Variants in IQCH observed in about 807,000 individuals in gnomAD.
The protein encoded by IQCH is IQ domain-containing protein H.
A neutral mutation model predicts 117.0 loss-of-function variants in IQCH; 98 were observed. The observed-to-expected ratio is 0.84, with a 90% CI of 0.71 to 0.99. IQCH has a LOEUF of 0.99. Ranked by LOEUF, IQCH falls within the 50% of genes least tolerant of loss-of-function variation. IQCH has a pLI of 0.00. For missense variants in IQCH, 1,102 were observed against 1,243.8 expected (o/e 0.89, Z 1.72); for synonymous variants, 412 against 448.2 (o/e 0.92, Z 1.02).
At chr15:67,438,278 A>C (rs1460534686) in intron 16 of IQCH, among the ~76,000 whole-genome samples, 3 of 152,186 alleles carry the variant, frequency 2.0e-5, no homozygotes, top group Admixed American at 6.5e-5. Flanking sequence ...ATCAGCCAAG[A>C]ATTTTGTATC....
chr15:67,400,208 C>T lies in IQCH; in HGVS notation c.2000C>T (p.Ala667Val). The T allele has an allele frequency of 1.2e-6, 2 of 1,613,344 alleles. No homozygotes were observed. Among genetic ancestry groups the T allele is most frequent in the Non-Finnish European group, 1.7e-6 (2 of 1,179,394 alleles). The change falls in exon 14 of 21, where the codon GCA (alanine) becomes GTA (valine). Residue 667 changes from alanine to valine, a missense_variant. Physicochemically the swap from Ala to Val is moderately conservative, Grantham distance 64. Transcript: ENST00000335894. The stretch of plus-strand genomic sequence containing the variant: ...TCTGAGTTCCGAGGAAATGGGACTG[C>T]ATTTTGTGATATTCCTTCCTACCTA... The part of the protein sequence containing the change: ...MDSEFRGNGT[A>V]FCDIPSYLKC...
intron 10 of IQCH, chr15:67,374,116 G>C (rs1373674660): frequency 6.6e-6 from 1 of 152,226 alleles, no homozygotes; most frequent in Non-Finnish European, 1.5e-5. Flanking sequence ...ATGACATTGG[G>C]AATTTCAGAA....
chr15:67,335,151 T>C (rs1968836648), intron 4 of IQCH, among the ~76,000 whole-genome samples: 1 of 152,174 alleles, frequency 6.6e-6, no homozygotes. Context: ...ATTGTTTAGA[T>C]TGATGCAATT....
At chr15:67,464,791 T>C (rs756658514) in intron 16 of IQCH, among the ~76,000 whole-genome samples, 15 of 152,228 alleles carry the variant, frequency 9.9e-5, no homozygotes, top group Non-Finnish European at 1.8e-4. Flanking sequence ...ATTTTCTCAG[T>C]AGAAAACCTG....
At chr15:67,287,689 C>A (rs1178080904) in intron 4 of IQCH, among the ~76,000 whole-genome samples, 1 of 151,826 alleles carries the variant, frequency 6.6e-6, no homozygotes, top group African/African-American at 2.4e-5. Context: ...GTTTGTTTAT[C>A]TTTTCAAAAC....
At position 67,376,681 on chromosome 15, in the gene IQCH, T is replaced by G. The variant is rs1268618326; in HGVS notation, c.1372+3248T>G. 6.6e-6 allele frequency among the ~76,000 whole-genome samples: 1 copy of G among 152,224 alleles called. No homozygotes were observed. The highest frequency in any genetic ancestry group is 6.5e-5 in the Admixed American group (1 of 15,284). On this transcript the variant is annotated intron_variant, in intron 10 of 20. Transcript: ENST00000335894. This position sits in a 1 kb window ranked among gnomAD's most constrained non-coding sequence, Gnocchi z 5.0. ...TGCAGTTTTGCACACATGGGAATAA[T>G]TGCATTTTCCAAACTGGTGATCACA...
At chr15:67,396,950 A>G (rs1167409206) in intron 13 of IQCH, among the ~76,000 whole-genome samples, 2 of 152,224 alleles carry the variant, frequency 1.3e-5, no homozygotes, top group Admixed American at 1.3e-4. Context: ...CGGTATCACA[A>G]CCTAGGACAG....
At position 67,473,279 on chromosome 15, in the gene IQCH, G is replaced by T. The variant is rs758862686; in HGVS notation, c.2677-2417G>T. Among the ~76,000 whole-genome samples the T allele has an allele frequency of 5.3e-5, 8 of 152,232 alleles. No individual in the cohort carries two copies. Among genetic ancestry groups the T allele is most frequent in the Admixed American group, 5.2e-4 (8 of 15,282 alleles). On this transcript the variant is annotated intron_variant, in intron 17 of 20. Coordinates refer to ENST00000335894, the MANE Select transcript of IQCH (RefSeq NM_001031715.3). This position sits in a 1 kb window ranked among gnomAD's most constrained non-coding sequence, Gnocchi z 4.9. ...TTTTCAGTGTGAAGGTGAGAGCATG[G>T]CCAGCCCAGTATGGCAGGGCGAGCA... is the stretch of plus-strand genomic sequence containing the variant.
rs1461918215 is a variant in IQCH, at chr15:67,436,578, A to G, written c.2505+15001A>G. Among the ~76,000 whole-genome samples, 1 of 152,192 alleles carries G rather than the reference A, an allele frequency of 6.6e-6. No individual in the cohort carries two copies. Among genetic ancestry groups the G allele is most frequent in the Non-Finnish European group, 1.5e-5 (1 of 68,018 alleles). On this transcript the variant is annotated intron_variant, in intron 16 of 20. Coordinates refer to ENST00000335894, the MANE Select transcript of IQCH (RefSeq NM_001031715.3). This position sits in a 1 kb window ranked among gnomAD's most constrained non-coding sequence, Gnocchi z 5.1. ...GTGAGAAGCCTCCTGGCGAGAACTC[A>G]GGGGAGGGCACAAATCCGGTGTGCA...
intron 4 of IQCH, among the ~76,000 whole-genome samples, chr15:67,289,250 T>C (rs1450492354): frequency 6.6e-6 from 1 of 152,128 alleles, no homozygotes; most frequent in African/African-American, 2.4e-5. Flanking sequence ...ATGATCATAA[T>C]AGTGATTTGA....
intron 6 of IQCH, among the ~76,000 whole-genome samples, chr15:67,353,367 T>A (rs151119143): frequency 0.67 from 99,708 of 149,164 alleles, 33,708 homozygotes; most frequent in Middle Eastern, 0.81. Flanking sequence ...TATTTATTTT[T>A]TTTTTTTTTT....
At chr15:67,412,961 G>T (rs1402775706) in intron 14 of IQCH, among the ~76,000 whole-genome samples, 1 of 152,110 alleles carries the variant, frequency 6.6e-6, no homozygotes, top group African/African-American at 2.4e-5. Flanking sequence ...GCAGAGTGTT[G>T]CTGAAAGTAC....
At chr15:67,328,524 G>A (rs968957028) in intron 4 of IQCH, among the ~76,000 whole-genome samples, 8 of 152,138 alleles carry the variant, frequency 5.3e-5, no homozygotes, top group African/African-American at 1.9e-4. Context: ...GAAGAGATCA[G>A]AAGTGATTTC....
intron 16 of IQCH, among the ~76,000 whole-genome samples, chr15:67,451,882 G>T (rs2082537021): frequency 1.3e-5 from 2 of 152,262 alleles, no homozygotes; most frequent in Admixed American, 1.3e-4. Context: ...GGTCACTAAG[G>T]ACTTGCTTTA....
chr15:67,421,741 G>C (rs1409115743), intron 16 of IQCH, among the ~76,000 whole-genome samples, 164 bp downstream of exon 16: 1 of 152,192 alleles, frequency 6.6e-6, no homozygotes, highest in Non-Finnish European at 1.5e-5. Flanking sequence ...AATCCAAGTG[G>C]GACCAGGCTT....
Position 67,335,071 on chromosome 15 carries a change from GCA to G in IQCH, c.388-1892_388-1891del, listed in dbSNP as rs143736342. ...CCAACACATACACACACACACACGTGCACACACACACACTACACACACAGTCA... is the reference window on the plus strand; with the variant it reads ...CCAACACATACACACACACACACGTGCACACACACACTACACACACAGTCA... On this transcript the variant is annotated intron_variant, in intron 4 of 20. Transcript: ENST00000335894. Among the ~76,000 whole-genome samples the G allele has an allele frequency of 7.3e-5, 11 of 151,490 alleles. No homozygotes were observed. In the East Asian group the frequency reaches 7.8e-4, roughly 11 times the overall value.
chr15:67,298,899 C>G (rs1403930172), intron 4 of IQCH, among the ~76,000 whole-genome samples: 1 of 151,896 alleles, frequency 6.6e-6, no homozygotes, highest in Non-Finnish European at 1.5e-5. Flanking sequence ...ATAAAGCTAC[C>G]ATATGATCCA....
At chr15:67,434,420 T>C (rs1387735730) in intron 16 of IQCH, among the ~76,000 whole-genome samples, 2 of 152,204 alleles carry the variant, frequency 1.3e-5, no homozygotes, top group Non-Finnish European at 2.9e-5. Flanking sequence ...TTCCTTCTTT[T>C]TTAAGGCTAA....
chr15:67,439,104 C>T (rs2140960602), intron 16 of IQCH, among the ~76,000 whole-genome samples: 1 of 152,294 alleles, frequency 6.6e-6, no homozygotes, highest in South Asian at 2.1e-4. Context: ...GCAGAATACA[C>T]ATTCTATTCA....
Sources: gnomAD v4.1 joint callset for allele counts (sites outside exome capture counted in the v4.1 genomes callset) on GRCh38, gnomAD v4.1.1 for gene constraint, Gnocchi (gnomAD v3.1) non-coding constraint, MANE v1.5 for transcripts, NCBI Gene and HGNC (gene_info 2026-07-23, HGNC 2026-07-21) for gene names.